The following RBM44 variants were observed in gnomAD, a reference collection of about 807,000 sequenced individuals.
RBM44 encodes the protein RNA binding motif protein 44, also known as RNA-binding protein 44.
Under a neutral mutation model 105.1 loss-of-function variants are expected in RBM44, and 66 were observed. The observed-to-expected ratio is 0.63, with a 90% confidence interval of 0.52 to 0.77. The LOEUF (loss-of-function observed/expected upper bound fraction) is 0.77. Among genes scored for constraint, RBM44 ranks in the 30% least tolerant of loss-of-function variants. RBM44 has a pLI of 0.00. For synonymous variants in RBM44, 365 were observed against 417.6 expected, an observed-to-expected ratio of 0.87 and a Z score of 1.54; for missense variants, 1,122 against 1,207.8, an observed-to-expected ratio of 0.93 and a Z score of 1.05.
At chr2:237,825,426 G>T (rs1428286719) in intron 10 of RBM44, among the ~76,000 whole-genome samples, 1 of 152,102 alleles carries the variant, frequency 6.6e-6, no homozygotes, top group Non-Finnish European at 1.5e-5. Flanking sequence ...GGCTGATCTT[G>T]AACTCCTGAT....
At chr2:237,823,372 C>T (rs1440577530) in intron 8 of RBM44, 68 bp from the exon 9 acceptor site, 2 of 710,340 alleles carry the variant, frequency 2.8e-6, no homozygotes, top group African/African-American at 3.6e-5. Context: ...GTGAAGAGTA[C>T]CTGTCACATA....
chr2:237,807,586 T>C (rs1400563891), intron 1 of RBM44, among the ~76,000 whole-genome samples: 1 of 152,054 alleles, frequency 6.6e-6, no homozygotes, highest in Admixed American at 6.5e-5. Context: ...GCCCTGAAAA[T>C]ATTTGCAAAT....
chr2:237,807,441 G>A (rs915159817), intron 1 of RBM44, among the ~76,000 whole-genome samples: 4 of 152,144 alleles, frequency 2.6e-5, no homozygotes, highest in East Asian at 3.8e-4. Flanking sequence ...GAGCCACTGC[G>A]CCCAGTCCTG....
At chr2:237,810,658 G>A (rs1318782829) in intron 1 of RBM44, among the ~76,000 whole-genome samples, 1 of 152,190 alleles carries the variant, frequency 6.6e-6, no homozygotes, top group Non-Finnish European at 1.5e-5. Flanking sequence ...AAGAGCTCTC[G>A]AGTCTGCCTC....
At chr2:237,828,849 T>C (rs1395830977) in intron 12 of RBM44, among the ~76,000 whole-genome samples, 2 of 146,702 alleles carry the variant, frequency 1.4e-5, no homozygotes, top group African/African-American at 4.9e-5. Context: ...TATCTGAAGT[T>C]TACGTTTATA....
chr2:237,836,547 C>T (rs749140032), intron 15 of RBM44, among the ~76,000 whole-genome samples: 22 of 152,022 alleles, frequency 1.4e-4, no homozygotes, highest in Non-Finnish European at 2.8e-4. Context: ...TTTGGGAGGC[C>T]GAGGCGGGTG....
At chr2:237,837,604 C>G (rs1014734191) in intron 15 of RBM44, among the ~76,000 whole-genome samples, 1 of 152,174 alleles carries the variant, frequency 6.6e-6, no homozygotes, top group Non-Finnish European at 1.5e-5. Context: ...ATTGCTGCAA[C>G]CTCATGATAA....
rs536328733 is a variant in RBM44 at position 237,812,629 on chromosome 2, T to C, written c.-18-963T>C. Among the ~76,000 whole-genome samples, 26 of 152,310 alleles carry C rather than the reference T, an allele frequency of 1.7e-4. No individual in the cohort carries two copies. In the South Asian group the frequency reaches 5.2e-3, roughly 30 times the overall value. ...TTAAAACAAAATGAATTCCTTTTTTTTCCCCAAATTCATCAGGAACCTTTG... is the reference window on the plus strand; with the variant it reads ...TTAAAACAAAATGAATTCCTTTTTTCTCCCCAAATTCATCAGGAACCTTTG... On this transcript the variant is annotated intron_variant, in intron 1 of 15. Coordinates refer to ENST00000316997, the MANE Select transcript of RBM44 (RefSeq NM_001080504.3).
intron 10 of RBM44, among the ~76,000 whole-genome samples, chr2:237,825,462 TC>T (rs1403071279): frequency 8.5e-5 from 13 of 152,192 alleles, no homozygotes; most frequent in Non-Finnish European, 1.8e-4. Context: ...CACCTCAGCC[TC>T]CTGAAGTGCT....
rs751887648 is a variant in RBM44, at chr2:237,841,469, C to T, written c.*23-370C>T. Among the ~76,000 whole-genome samples the T allele has an allele frequency of 3.9e-5, 6 of 152,226 alleles. No individual in the cohort carries two copies. The highest frequency in any genetic ancestry group is 7.4e-5 in the Non-Finnish European group (5 of 67,984). On this transcript the variant is annotated intron_variant, in intron 15 of 15. Transcript: ENST00000316997. This position sits in a 1 kb window ranked among gnomAD's most constrained non-coding sequence, Gnocchi z 4.5. The stretch of plus-strand genomic sequence containing the variant: ...TCAAAACACTACCTATCTGGTACCA[C>T]GCTTATTACCTGGATGATGAAATAA...
rs201742377 is a variant in RBM44, at chr2:237,817,731, G to A, written c.812G>A (p.Arg271Lys). 903 of 1,612,170 alleles carry A rather than the reference G, an allele frequency of 5.6e-4. 1 individual carries two copies. The highest frequency in any genetic ancestry group is 7.2e-4 in the Non-Finnish European group (846 of 1,179,084). Residue 271 changes from arginine to lysine, a missense_variant, in exon 3 of 16, where the codon AGA (arginine) becomes AAA (lysine). Transcript: ENST00000316997. The stretch of plus-strand genomic sequence containing the variant: ...AAATTTCAGAATTCTGTTATGTTAA[G>A]AGAATATCATGACCTAAAGCATGAA... ...VSKFQNSVML[R>K]EYHDLKHEKY... is the part of the protein sequence containing the mutation.
At chr2:237,834,228 G>A (rs1446306069) in intron 14 of RBM44, 50 bp from the exon 15 acceptor site, 1 of 1,531,452 alleles carries the variant, frequency 6.5e-7, no homozygotes, top group Non-Finnish European at 8.8e-7. Flanking sequence ...TATTCAGAAT[G>A]TATTCCTTTG....
intron 1 of RBM44, among the ~76,000 whole-genome samples, 183 bp from the exon 2 acceptor site, chr2:237,813,409 G>A (rs935052138): frequency 3.9e-5 from 6 of 152,094 alleles, no homozygotes; most frequent in African/African-American, 1.2e-4. Flanking sequence ...CATAAATAGG[G>A]TGATATTATG....
At chr2:237,814,320 T>C (rs1193240998) in intron 2 of RBM44, among the ~76,000 whole-genome samples, 1 of 152,100 alleles carries the variant, frequency 6.6e-6, no homozygotes, top group African/African-American at 2.4e-5. Flanking sequence ...GTAAGACGAT[T>C]AAGAGGGTCA....
intron 1 of RBM44, among the ~76,000 whole-genome samples, chr2:237,801,758 C>G (rs2150964929): frequency 6.6e-6 from 1 of 152,322 alleles, no homozygotes; most frequent in Non-Finnish European, 1.5e-5. Flanking sequence ...TCTGCTTCTT[C>G]TTAGCCTGGC....
At chr2:237,828,853 G>A (rs537728474) in intron 12 of RBM44, among the ~76,000 whole-genome samples, 18 of 151,952 alleles carry the variant, frequency 1.2e-4, no homozygotes, top group Admixed American at 3.3e-4. Flanking sequence ...TGAAGTTTAC[G>A]TTTATACATA....
At chr2:237,806,354 A>G (rs2061599413) in intron 1 of RBM44, among the ~76,000 whole-genome samples, 1 of 152,118 alleles carries the variant, frequency 6.6e-6, no homozygotes, top group Non-Finnish European at 1.5e-5. Flanking sequence ...CTATTCATCT[A>G]TTTTGTTTAC....
At position 237,817,001 on chromosome 2, in the gene RBM44, T is replaced by A. The variant is rs911082088; in HGVS notation, c.82T>A (p.Ser28Thr). ...NGGNLQKDKPSNPKKENLLLS... is the reference protein window; with the variant it reads ...NGGNLQKDKPTNPKKENLLLS... ...ATCCTTTTTTTAATCAGATAAACCT[T>A]CAAATCCAAAGAAAGAAAATTTGTT... Residue 28 changes from serine to threonine, a missense_variant, in exon 3 of 16, where the codon TCA becomes ACA. Coordinates refer to ENST00000316997, the MANE Select transcript of RBM44 (RefSeq NM_001080504.3). 1.3e-6 allele frequency: 2 copies of A among 1,523,522 alleles called. No individual in the cohort carries two copies. Among genetic ancestry groups the A allele is most frequent in the Admixed American group, 4.4e-5 (2 of 45,382 alleles). 94.4% of individuals were successfully genotyped at this position (1,523,522 alleles called of 1,614,324 possible).
rs1349878297 is a variant in RBM44, at chr2:237,829,280, G to A, written c.2664G>A (p.Gly888=). Residue 888 remains glycine, a synonymous_variant, in exon 13 of 16, where the codon GGG becomes GGA. Coordinates refer to ENST00000316997, the MANE Select transcript of RBM44 (RefSeq NM_001080504.3). ...DAKIAVKEMN[G]IEINGKSVNV... ...AGATAGCTGTGAAAGAAATGAATGG[G>A]ATAGAAATAAATGGAAAGTCAGTAA... 6.2e-7 allele frequency: 1 copy of A among 1,613,206 alleles called. No homozygotes were observed. The highest frequency in any genetic ancestry group is 8.5e-7 in the Non-Finnish European group (1 of 1,179,382).
Sources: allele counts gnomAD v4.1 joint callset (sites outside exome capture counted in the v4.1 genomes callset), GRCh38; gene constraint gnomAD v4.1.1; non-coding constraint Gnocchi (gnomAD v3.1); transcripts MANE v1.5; gene names NCBI Gene and HGNC (gene_info 2026-07-23, HGNC 2026-07-21).